Variants in KRT6B observed in about 807,000 individuals in gnomAD.
KRT6B encodes keratin 6B.
In KRT6B, 29 loss-of-function variants were observed where a neutral mutation model predicts 44.7. The observed-to-expected ratio is 0.65, with a 90% CI of 0.48 to 0.88. KRT6B has a LOEUF of 0.88. Among genes scored for constraint, KRT6B ranks in the 40% least tolerant of loss-of-function variants. The pLI is 0.00. For missense variants in KRT6B, 600 were observed against 724.0 expected, an observed-to-expected ratio of 0.83 and a Z score of 1.97; for synonymous variants, 213 against 296.0, an observed-to-expected ratio of 0.72 and a Z score of 2.88.
At chr12:52,450,987 G>T (rs654671) in intron 1 of KRT6B, among the ~76,000 whole-genome samples, 29,507 of 149,348 alleles carry the variant, frequency 0.2, 1 homozygote, top group Middle Eastern at 0.32. Context: ...AGGGATATTA[G>T]ATGTTGACTC....
intron 8 of KRT6B, 48 bp from the exon 9 acceptor site, chr12:52,447,473 C>G (rs755447619): frequency 6.2e-6 from 10 of 1,614,034 alleles, no homozygotes; most frequent in Non-Finnish European, 8.5e-6. Context: ...ATGAGTTCAT[C>G]CTGCCGGCCT....
At chr12:52,448,791 T>G (rs374378055) in intron 6 of KRT6B, 51 bp downstream of exon 6, 1 of 1,613,878 alleles carries the variant, frequency 6.2e-7, no homozygotes, top group African/African-American at 1.3e-5. Context: ...TACTGCCTCA[T>G]GACCTAATAA....
At chr12:52,451,494 C>T (rs753638944) in intron 1 of KRT6B, 45 bp downstream of exon 1, 26 of 1,613,400 alleles carry the variant, frequency 1.6e-5, no homozygotes, top group Non-Finnish European at 2.2e-5. Context: ...CTCTTCTGGT[C>T]TGGGGACCCT....
At chr12:52,449,338 T>C in intron 5 of KRT6B, 131 bp downstream of exon 5, 3 of 1,374,048 alleles carry the variant, frequency 2.2e-6, no homozygotes, top group Non-Finnish European at 3.1e-6. Context: ...TCTACTCTAA[T>C]AGTGCAGAGT....
Position 52,448,016 on chromosome 12 carries a change from GA to G in KRT6B, c.1204-19del. On this transcript the variant is annotated intron_variant, in intron 6 of 8. Coordinates refer to ENST00000252252, the MANE Select transcript of KRT6B (RefSeq NM_005555.4). ...TTGGCACACTAGGAGGGCAAAGGAA[GA>G]GAAAGAACTTGTCATCTGGTCTTCC... 1 of 1,614,108 alleles carries G rather than the reference GA, an allele frequency of 6.2e-7. No homozygotes were observed. Among genetic ancestry groups the G allele is most frequent in the South Asian group, 1.1e-5 (1 of 91,084 alleles).
intron 1 of KRT6B, 114 bp downstream of exon 1, chr12:52,451,425 G>C: frequency 6.9e-6 from 11 of 1,599,758 alleles, no homozygotes; most frequent in Non-Finnish European, 9.4e-6. Context: ...ACTCTCTGCA[G>C]AGCTGGGCTG....
Position 52,447,923 on chromosome 12 carries a change from G to T in KRT6B, c.1279C>A (p.Leu427Met), listed in dbSNP as rs867913712. Residue 427 changes from leucine to methionine, a missense_variant, in exon 7 of 9, where the codon CTG (leucine) becomes ATG (methionine). Leu to Met is a conservative substitution (Grantham distance 15). This residue lies in a region of KRT6B where 479 missense variants were observed against 454.2 expected (regional missense o/e 1.05). Coordinates refer to ENST00000252252, the MANE Select transcript of KRT6B (RefSeq NM_005555.4). ...EMALKDAKNK[L>M]EGLEDALQKA... ...TGCAGGGCATCCTCCAGCCCTTCCA[G>T]CTTGTTCTTAGCATCCTTGAGGGCC... The T allele has an allele frequency of 6.2e-7, 1 of 1,614,184 alleles. No individual in the cohort carries two copies.
rs1940412753 is a variant in KRT6B at position 52,451,948 on chromosome 12, C to G, written c.131G>C (p.Ser44Thr). 6.2e-7 allele frequency: 1 copy of G among 1,613,260 alleles called. No individual in the cohort carries two copies. The highest frequency in any genetic ancestry group is 8.5e-7 in the Non-Finnish European group (1 of 1,180,010). ...TCCACATGCGCCACCCAGGCCACCA[C>G]TGCCCCTGGAGCGGGACACGGAGAT... ...SSISVSRSRGSGGLGGACGGA... is the reference protein window; with the variant it reads ...SSISVSRSRGTGGLGGACGGA... Residue 44 changes from serine (S) to threonine (T), a missense_variant, in exon 1 of 9, where the codon AGT becomes ACT. Ser to Thr is a moderately conservative substitution (Grantham distance 58). This residue lies in a region of KRT6B where 78 missense variants were observed against 97.5 expected (regional missense o/e 0.80). Transcript: ENST00000252252.
In KRT6B at chr12:52,447,081, G is replaced by T; in HGVS notation, c.*109C>A. On this transcript the variant is annotated 3_prime_UTR_variant, in exon 9 of 9. Coordinates refer to ENST00000252252, the MANE Select transcript of KRT6B (RefSeq NM_005555.4). ...AGTGAGGGCATCCCAGCTCTACCCG[G>T]GAGGGCAGGGGAGACTGGAGGCCAG... 1 of 1,401,690 alleles carries T rather than the reference G, an allele frequency of 7.1e-7. No homozygotes were observed. Among genetic ancestry groups the T allele is most frequent in the Admixed American group, 2.0e-5 (1 of 51,138 alleles). 86.8% of individuals were successfully genotyped at this position (1,401,690 alleles called of 1,614,324 possible).
In KRT6B at chr12:52,447,265, G is replaced by T. The variant is rs1940324908; in HGVS notation, c.1620C>A (p.Ser540Arg). 2 of 1,614,028 alleles carry T rather than the reference G, an allele frequency of 1.2e-6. No homozygotes were observed. Among genetic ancestry groups the T allele is most frequent in the African/African-American group, 1.3e-5 (1 of 75,040 alleles). ...SSGRATGGGL[S>R]SVGGGSSTIK... ...TGGTGGAACTGCCGCCTCCAACAGA[G>T]CTGAGGCCACCCCCAGTGGCTCTGC... is the stretch of plus-strand genomic sequence containing the variant. The change falls in exon 9 of 9, where the codon AGC (serine) becomes AGA (arginine). Residue 540 changes from serine (S) to arginine (R), a missense_variant. Coordinates refer to ENST00000252252, the MANE Select transcript of KRT6B (RefSeq NM_005555.4).
Position 52,450,037 on chromosome 12 carries a change from T to C in KRT6B, c.791A>G (p.Glu264Gly). The C allele has an allele frequency of 1.2e-6, 2 of 1,614,036 alleles. No homozygotes were observed. Among genetic ancestry groups the C allele is most frequent in the Non-Finnish European group, 1.7e-6 (2 of 1,179,878 alleles). ...CTTCTTCAGAGTCACAAATTCATTC[T>C]CTGCTGCTGTGCGCTTGTTGATTTC... is the stretch of plus-strand genomic sequence containing the variant. ...EDEINKRTAA[E>G]NEFVTLKKDV... The change falls in exon 3 of 9, where the codon GAG becomes GGG. Residue 264 changes from glutamate (E) to glycine (G), a missense_variant. Around this residue, in one of 4 missense-constraint regions of KRT6B, gnomAD observed 479 missense variants for 454.2 expected, o/e 1.05. Coordinates refer to ENST00000252252, the MANE Select transcript of KRT6B (RefSeq NM_005555.4).
In KRT6B at chr12:52,452,105, A is replaced by G; in HGVS notation, c.-27T>C. ...GTTCCAGGAGATGAGAGGGCTTAGG[A>G]GAGTGTGAGAGGCTGGAGGCGAGAG... is the stretch of plus-strand genomic sequence containing the variant. On this transcript the variant is annotated 5_prime_UTR_variant, in exon 1 of 9. Transcript: ENST00000252252. 2.5e-6 allele frequency: 4 copies of G among 1,614,048 alleles called. No homozygotes were observed. In the East Asian group the frequency reaches 6.7e-5, roughly 27 times the overall value.
chr12:52,450,652 G>A (rs1197996470), intron 1 of KRT6B, 32 bp from the exon 2 acceptor site: 1 of 1,614,022 alleles, frequency 6.2e-7, no homozygotes, highest in Admixed American at 1.7e-5. Flanking sequence ...CATTTTCCAG[G>A]AAAAGGAAGG....
intron 4 of KRT6B, 39 bp downstream of exon 4, chr12:52,449,719 C>A: frequency 1.9e-6 from 3 of 1,614,114 alleles, no homozygotes; most frequent in Non-Finnish European, 2.5e-6. Context: ...CCTTTGCAGA[C>A]CCCATCAGAG....
intron 3 of KRT6B, 71 bp downstream of exon 3, chr12:52,449,941 C>G: frequency 3.7e-6 from 6 of 1,613,890 alleles, no homozygotes; most frequent in Non-Finnish European, 5.1e-6. Context: ...TCTCCTCTCC[C>G]AGGGGAGCGA....
In KRT6B at chr12:52,446,807, T is replaced by C. The variant is rs1045031461; in HGVS notation, c.*383A>G. The C allele has an allele frequency of 1.0e-5, 3 of 293,992 alleles. No individual in the cohort carries two copies. The highest frequency in any genetic ancestry group is 1.9e-5 in the Non-Finnish European group (3 of 155,928). The allele number at this position is 293,992 out of a possible 1,614,324, so 18.2% of individuals were successfully genotyped here. A position where few individuals can be genotyped will look rare whatever the true frequency, so the allele number is the denominator to read the frequency against. On this transcript the variant is annotated 3_prime_UTR_variant, in exon 9 of 9. Coordinates refer to ENST00000252252, the MANE Select transcript of KRT6B (RefSeq NM_005555.4). ...GACAACTGACTTGTCAGATGAGAAC[T>C]CCTGAGTGTAGCTATAATGGGCAGG...
rs71453296 is a variant in KRT6B at position 52,450,653 on chromosome 12, A to C, written c.541-33T>G. The C allele has an allele frequency of 7.4e-6, 12 of 1,613,988 alleles. No homozygotes were observed. The Admixed American group carries it at 1.0e-4, about 13-fold the overall frequency. ...GGAAGCAAAATGGTCATTTTCCAGGAAAAGGAAGGCAGAGAAAGTGTCTGG... is the reference window on the plus strand; with the variant it reads ...GGAAGCAAAATGGTCATTTTCCAGGCAAAGGAAGGCAGAGAAAGTGTCTGG... On this transcript the variant is annotated intron_variant, in intron 1 of 8. Coordinates refer to ENST00000252252, the MANE Select transcript of KRT6B (RefSeq NM_005555.4).
chr12:52,450,416 G>C lies in KRT6B; in HGVS notation c.745C>G (p.Leu249Val). 1 of 1,613,640 alleles carries C rather than the reference G, an allele frequency of 6.2e-7. No homozygotes were observed. The highest frequency in any genetic ancestry group is 8.5e-7 in the Non-Finnish European group (1 of 1,180,034). ...LRNMQDLVED[L>V]KNKYEDEINK... ...AAATGGAGTCCTCACTTGTTCTTGAGGTCCTCCACCAGGTCCTGCATGTTT... is the reference window on the plus strand; with the variant it reads ...AAATGGAGTCCTCACTTGTTCTTGACGTCCTCCACCAGGTCCTGCATGTTT... The change falls in exon 2 of 9, where the codon CTC becomes GTC. Residue 249 changes from leucine (L) to valine (V), a missense_variant. Physicochemically the swap from Leu to Val is conservative, Grantham distance 32. Coordinates refer to ENST00000252252, the MANE Select transcript of KRT6B (RefSeq NM_005555.4).
At chr12:52,448,699 C>T in intron 6 of KRT6B, 143 bp downstream of exon 6, 1 of 1,373,798 alleles carries the variant, frequency 7.3e-7, no homozygotes, top group Non-Finnish European at 1.0e-6. Context: ...CCAGAGTGTT[C>T]TCACTGAGCC....
Sources: gnomAD v4.1 joint callset for allele counts (sites outside exome capture counted in the v4.1 genomes callset) on GRCh38, gnomAD v4.1.1 for gene constraint, gnomAD v4.1.1 regional missense constraint, MANE v1.5 for transcripts, NCBI Gene and HGNC (gene_info 2026-07-23, HGNC 2026-07-21) for gene names.